The following EDARADD variants were observed in gnomAD, a reference collection of about 807,000 sequenced individuals.
EDARADD encodes the protein EDAR associated via death domain, also known as ectodysplasin-A receptor-associated adapter protein.
Under a neutral mutation model 25.6 loss-of-function variants are expected in EDARADD, and 20 were observed. The observed-to-expected ratio is 0.78, with a 90% CI of 0.55 to 1.14. The LOEUF is 1.14. Among genes scored for constraint, EDARADD ranks in the 50% most tolerant of loss-of-function variants. EDARADD has a pLI of 0.00. For synonymous variants in EDARADD, 86 were observed against 94.4 expected, an observed-to-expected ratio of 0.91 and a Z score of 0.52; for missense variants, 225 against 270.1, an observed-to-expected ratio of 0.83 and a Z score of 1.17.
At chr1:236,443,678 T>C (rs1658459857) in intron 4 of EDARADD, among the ~76,000 whole-genome samples, 1 of 152,230 alleles carries the variant, frequency 6.6e-6, no homozygotes, top group Non-Finnish European at 1.5e-5. Context: ...TAGTTTCTTG[T>C]GATGGAATCT....
chr1:236,423,982 T>C (rs1657844528), intron 3 of EDARADD, among the ~76,000 whole-genome samples: 1 of 151,986 alleles, frequency 6.6e-6, no homozygotes, highest in Non-Finnish European at 1.5e-5. Flanking sequence ...GGTCGGCACC[T>C]GTAATCCTAG....
chr1:236,480,665 C>T (rs981263550), intron 5 of EDARADD, among the ~76,000 whole-genome samples: 30 of 152,108 alleles, frequency 2.0e-4, no homozygotes, highest in African/African-American at 6.3e-4. Context: ...TCTAAAGTGA[C>T]CTTTGGCTGT....
chr1:236,411,885 G>A (rs1003265676), intron 2 of EDARADD, among the ~76,000 whole-genome samples: 1 of 152,006 alleles, frequency 6.6e-6, no homozygotes, highest in Non-Finnish European at 1.5e-5. Context: ...AATCATATTG[G>A]GTCAAGGGCC....
At chr1:236,401,820 C>A (rs1258047630) in intron 1 of EDARADD, among the ~76,000 whole-genome samples, 1 of 152,184 alleles carries the variant, frequency 6.6e-6, no homozygotes, top group Non-Finnish European at 1.5e-5. Context: ...GAAACAGAGT[C>A]TTTCCAGAGG....
intron 1 of EDARADD, among the ~76,000 whole-genome samples, chr1:236,406,833 C>T (rs982385745): frequency 3.3e-5 from 5 of 152,196 alleles, no homozygotes; most frequent in South Asian, 2.1e-4. Flanking sequence ...CCCCAGGCTG[C>T]GAGTGCTGGG....
chr1:236,414,203 C>T lies in EDARADD; in HGVS notation c.121-57C>T, dbSNP rs1191458659. 3.5e-6 allele frequency: 5 copies of T among 1,446,032 alleles called. No individual in the cohort carries two copies. The African/African-American group carries it at 4.2e-5, about 12-fold the overall frequency. The allele number at this position is 1,446,032 out of a possible 1,614,324, so 89.6% of individuals were successfully genotyped here. A position where few individuals can be genotyped will look rare whatever the true frequency, so the allele number is the denominator to read the frequency against. ...CTTTCCCAAGACAAAGCTTTCTTTT[C>T]ACTTTGATCTTACATGGCATTTAAA... is the stretch of plus-strand genomic sequence containing the variant. On this transcript the variant is annotated intron_variant, in intron 2 of 5. Coordinates refer to ENST00000334232, the MANE Select transcript of EDARADD (RefSeq NM_145861.4).
chr1:236,438,344 T>C (rs1658315151), intron 4 of EDARADD, among the ~76,000 whole-genome samples: 1 of 152,156 alleles, frequency 6.6e-6, no homozygotes, highest in African/African-American at 2.4e-5. Flanking sequence ...ACAAGAACCT[T>C]ACAATAATAA....
intron 3 of EDARADD, among the ~76,000 whole-genome samples, chr1:236,366,741 C>CTT (rs1553262434): frequency 6.9e-6 from 1 of 144,214 alleles, no homozygotes; most frequent in Admixed American, 6.9e-5. Flanking sequence ...TCATCTCTCT[C>CTT]TTTTTTTTGT....
intron 3 of EDARADD, among the ~76,000 whole-genome samples, chr1:236,369,384 T>TC (rs1667148915): frequency 6.6e-6 from 1 of 152,234 alleles, no homozygotes; most frequent in South Asian, 2.1e-4. Context: ...TTTCATCTTT[T>TC]CTTTTATTGT....
In EDARADD at chr1:236,468,244, G is replaced by A. The variant is rs904060537; in HGVS notation, c.233G>A (p.Gly78Asp). The A allele has an allele frequency of 1.9e-6, 3 of 1,614,052 alleles. No individual in the cohort carries two copies. Among genetic ancestry groups the A allele is most frequent in the South Asian group, 2.2e-5 (2 of 91,072 alleles). Residue 78 changes from glycine (G) to aspartate (D), a missense_variant, in exon 5 of 6, where the codon GGC (glycine) becomes GAC (aspartate). Transcript: ENST00000334232. The stretch of plus-strand genomic sequence containing the variant: ...TTTGGTTTTTAGGGAGAAGAAAATG[G>A]CTTTCCAGATAGCACTGGAGATCCT... The part of the protein sequence containing the change: ...SDMKNQGEEN[G>D]FPDSTGDPLP...
chr1:236,452,078 C>T (rs1658727999), intron 4 of EDARADD, among the ~76,000 whole-genome samples: 1 of 152,206 alleles, frequency 6.6e-6, no homozygotes, highest in African/African-American at 2.4e-5. Flanking sequence ...CAGGTTAGGT[C>T]TTCCAGTGGC....
At chr1:236,454,616 T>C (rs1181592576) in intron 4 of EDARADD, among the ~76,000 whole-genome samples, 2 of 152,184 alleles carry the variant, frequency 1.3e-5, no homozygotes, top group African/African-American at 4.8e-5. Context: ...CTTGGCATCT[T>C]AAAGCCGAAG....
intron 2 of EDARADD, among the ~76,000 whole-genome samples, chr1:236,413,646 G>A (rs546623946): frequency 2.0e-5 from 3 of 152,310 alleles, no homozygotes; most frequent in Middle Eastern, 3.4e-3. Flanking sequence ...CGGCATGTAA[G>A]TATGAATAAA....
chr1:236,445,389 G>A (rs973521303), intron 4 of EDARADD, among the ~76,000 whole-genome samples: 2 of 151,830 alleles, frequency 1.3e-5, no homozygotes, highest in African/African-American at 2.4e-5. Context: ...CACCACGCCC[G>A]GCTGATTTTT....
Position 236,483,434 on chromosome 1 carries a change from T to G in EDARADD, c.*785T>G. The G allele has an allele frequency of 9.0e-7, 1 of 1,115,590 alleles. No homozygotes were observed. The highest frequency in any genetic ancestry group is 2.4e-5 in the East Asian group (1 of 42,524). The allele number at this position is 1,115,590 out of a possible 1,614,324, so 69.1% of individuals were successfully genotyped here. On this transcript the variant is annotated 3_prime_UTR_variant, in exon 6 of 6. Transcript: ENST00000334232. The stretch of plus-strand genomic sequence containing the variant: ...TGAACGTCACAGAACAAGAGAAGAT[T>G]GACAAACTTATGATAGAGATGGATG...
chr1:236,402,058 T>C (rs1667623381), intron 1 of EDARADD, among the ~76,000 whole-genome samples: 1 of 151,946 alleles, frequency 6.6e-6, no homozygotes, highest in African/African-American at 2.4e-5. Flanking sequence ...ACCTCCCGGG[T>C]TCAAGCGATT....
chr1:236,475,200 A>G (rs966729359), intron 5 of EDARADD, among the ~76,000 whole-genome samples: 5 of 151,974 alleles, frequency 3.3e-5, no homozygotes, highest in African/African-American at 9.7e-5. Context: ...ATTTTTCTCC[A>G]TTTTTGAGAA....
At chr1:236,448,127 G>T (rs185704001) in intron 4 of EDARADD, among the ~76,000 whole-genome samples, 2 of 152,314 alleles carry the variant, frequency 1.3e-5, no homozygotes, top group African/African-American at 4.8e-5. Context: ...GAGCCACCGC[G>T]CCTGGCCCAC....
chr1:236,427,966 TA>T (rs1657971090), intron 4 of EDARADD, among the ~76,000 whole-genome samples: 7 of 100,326 alleles, frequency 7.0e-5, no homozygotes, highest in South Asian at 2.8e-4. Flanking sequence ...TTATTTATTT[TA>T]TTTTATTTTA....
Sources: gnomAD v4.1 joint callset for allele counts (sites outside exome capture counted in the v4.1 genomes callset) on GRCh38, gnomAD v4.1.1 for gene constraint, MANE v1.5 for transcripts, NCBI Gene and HGNC (gene_info 2026-07-23, HGNC 2026-07-21) for gene names.